Variants in NCAPD3 observed in about 807,000 individuals in gnomAD.
NCAPD3 encodes the protein condensin-2 complex subunit D3.
A neutral mutation model predicts 182.9 loss-of-function variants in NCAPD3; 105 were observed. The ratio of observed to expected loss-of-function variants is 0.57; its 90% CI spans 0.49 to 0.68. The LOEUF is 0.68. Among genes scored for constraint, NCAPD3 ranks in the 30% least tolerant of loss-of-function variants. The pLI is 0.00. For synonymous variants in NCAPD3, 815 were observed against 679.9 expected (o/e 1.20, Z -3.09); for missense variants, 1,944 against 1,837.0 (o/e 1.06, Z -1.07).
At chr11:134,209,289 A>G (rs746767127) in intron 5 of NCAPD3, 24 bp downstream of exon 5, 30 of 1,609,436 alleles carry the variant, frequency 1.9e-5, no homozygotes, top group Non-Finnish European at 2.5e-5. Flanking sequence ...AAGTTGCCCT[A>G]AGGTTCCTGG....
chr11:134,174,700 T>A (rs1217849035), intron 24 of NCAPD3, among the ~76,000 whole-genome samples: 3 of 152,138 alleles, frequency 2.0e-5, no homozygotes, highest in Non-Finnish European at 4.4e-5. Flanking sequence ...AACAATTTAC[T>A]GTCTATTTTC....
chr11:134,154,826 A>C (rs1329788167), intron 32 of NCAPD3, among the ~76,000 whole-genome samples: 1 of 152,230 alleles, frequency 6.6e-6, no homozygotes, highest in Non-Finnish European at 1.5e-5. Flanking sequence ...TTCAAAGCTC[A>C]TCAGCGCACT....
At chr11:134,193,656 G>A (rs1179191453) in intron 15 of NCAPD3, among the ~76,000 whole-genome samples, 3 of 152,222 alleles carry the variant, frequency 2.0e-5, no homozygotes, top group Non-Finnish European at 2.9e-5. Flanking sequence ...AGGAGGCTGA[G>A]GCAGGAGAGT....
chr11:134,172,392 C>G (rs1376491415), intron 24 of NCAPD3, among the ~76,000 whole-genome samples: 2 of 152,220 alleles, frequency 1.3e-5, no homozygotes, highest in African/African-American at 4.8e-5. Flanking sequence ...CCTGCTGATC[C>G]TTCCAGTGGT....
At chr11:134,155,076 G>A (rs1217204487) in intron 32 of NCAPD3, among the ~76,000 whole-genome samples, 3 of 152,170 alleles carry the variant, frequency 2.0e-5, no homozygotes, top group African/African-American at 7.2e-5. Context: ...CCCATGCACT[G>A]TGCGTAGAAT....
intron 3 of NCAPD3, among the ~76,000 whole-genome samples, chr11:134,211,196 C>T (rs544813265): frequency 4.4e-4 from 67 of 152,156 alleles, no homozygotes; most frequent in African/African-American, 1.5e-3. Flanking sequence ...GGGCTAAACC[C>T]GATATAGCAT....
rs1373393507 is a variant in NCAPD3 at position 134,153,358 on chromosome 11, T to TG, written c.4257dup (p.Ile1420HisfsTer3). Reference sequence around the variant, plus strand: ...CCTGCTCCAAACGTGACATCACTGATGCTCTCTGCATAAAGAGGAGACACC... The same window carrying TG: ...CCTGCTCCAAACGTGACATCACTGATGGCTCTCTGCATAAAGAGGAGACACC... On this transcript the variant is annotated frameshift_variant, in exon 33 of 35. Coordinates refer to ENST00000534548, the MANE Select transcript of NCAPD3 (RefSeq NM_015261.3). LOFTEE classifies it high-confidence loss of function. 1 of 1,614,128 alleles carries TG rather than the reference T, an allele frequency of 6.2e-7. No individual in the cohort carries two copies. The highest frequency in any genetic ancestry group is 8.5e-7 in the Non-Finnish European group (1 of 1,180,024).
chr11:134,167,719 G>C (rs1375420343), intron 27 of NCAPD3, among the ~76,000 whole-genome samples: 1 of 143,034 alleles, frequency 7.0e-6, no homozygotes, highest in South Asian at 2.4e-4. Context: ...GTGAGCTTGG[G>C]GGAGGCGCAC....
chr11:134,178,696 G>C lies in NCAPD3; in HGVS notation c.2720C>G (p.Pro907Arg), dbSNP rs758490296. ...GSSEAPASQPPPQVRGSVMPS... is the reference protein window; with the variant it reads ...GSSEAPASQPRPQVRGSVMPS... ...CATGACAGAACCTCTGACCTGGGGG[G>C]GTGGCTGAGACGCTGGGGCCTCACT... Residue 907 changes from proline (P) to arginine (R), a missense_variant, in exon 22 of 35, where the codon CCC (proline) becomes CGC (arginine). Transcript: ENST00000534548. 6.2e-7 allele frequency: 1 copy of C among 1,601,598 alleles called. No homozygotes were observed. Among genetic ancestry groups the C allele is most frequent in the Non-Finnish European group, 8.5e-7 (1 of 1,172,302 alleles).
At position 134,218,110 on chromosome 11, in the gene NCAPD3, A is replaced by AGGGGG. The variant is rs5795873; in HGVS notation, c.220-1017_220-1013dup. ...AAGACCCTGGTCTCAAAAAAAAAAA[A>AGGGGG]GGGGGGGGGGGGAAGAAATCATCTC... On this transcript the variant is annotated intron_variant, in intron 2 of 34. Coordinates refer to ENST00000534548, the MANE Select transcript of NCAPD3 (RefSeq NM_015261.3). 2.6e-3 allele frequency among the ~76,000 whole-genome samples: 157 copies of AGGGGG among 59,444 alleles called. 2 individuals carry two copies. Among genetic ancestry groups the AGGGGG allele is most frequent in the African/African-American group, 3.2e-3 (50 of 15,396 alleles). The allele number at this position is 59,444 out of a possible 152,430, so 39.0% of individuals were successfully genotyped here. A position where few individuals can be genotyped will look rare whatever the true frequency, so the allele number is the denominator to read the frequency against.
At chr11:134,169,891 T>G (rs186219390) in intron 24 of NCAPD3, among the ~76,000 whole-genome samples, 1 of 152,312 alleles carries the variant, frequency 6.6e-6, no homozygotes, top group East Asian at 1.9e-4. Flanking sequence ...GTGTTTTAAT[T>G]TAATATCAGA....
chr11:134,162,999 T>C (rs1333459825), intron 27 of NCAPD3, among the ~76,000 whole-genome samples: 5 of 152,180 alleles, frequency 3.3e-5, no homozygotes, highest in South Asian at 2.1e-4. Context: ...CTGCAGACTT[T>C]AGACCCAGAG....
chr11:134,156,865 T>A (rs1238121968), intron 32 of NCAPD3, 153 bp downstream of exon 32: 2 of 640,250 alleles, frequency 3.1e-6, no homozygotes, highest in African/African-American at 1.8e-5. Flanking sequence ...GCGACCGTGG[T>A]CACTGTGAAA....
chr11:134,168,916 C>T lies in NCAPD3; in HGVS notation c.3239+1G>A, dbSNP rs1280857671. 1 of 1,612,140 alleles carries T rather than the reference C, an allele frequency of 6.2e-7. No individual in the cohort carries two copies. The highest frequency in any genetic ancestry group is 8.5e-7 in the Non-Finnish European group (1 of 1,178,996). Reference sequence around the variant, plus strand: ...AGACCAGACTTAGCTGCTTCACTGACCTCTCTGACTGGGGGAACTTGTTGT... The same window carrying T: ...AGACCAGACTTAGCTGCTTCACTGATCTCTCTGACTGGGGGAACTTGTTGT... On this transcript the variant is annotated splice_donor_variant, in intron 25 of 34. Transcript: ENST00000534548. LOFTEE classifies it high-confidence loss of function.
chr11:134,178,919 G>A lies in NCAPD3; in HGVS notation c.2577C>T (p.Thr859=), dbSNP rs1037602832. Residue 859 remains threonine, a synonymous_variant, in exon 21 of 35, where the codon ACC becomes ACT. Coordinates refer to ENST00000534548, the MANE Select transcript of NCAPD3 (RefSeq NM_015261.3). ...DEDLLVKYIF[T]LGDIAQLCPA... ...GACACAGCTGGGCTATATCCCCTAAGGTAAAAATGTACTTCACCTACAAAG... is the reference window on the plus strand; with the variant it reads ...GACACAGCTGGGCTATATCCCCTAAAGTAAAAATGTACTTCACCTACAAAG... The A allele has an allele frequency of 1.2e-6, 2 of 1,613,198 alleles. No individual in the cohort carries two copies. Among genetic ancestry groups the A allele is most frequent in the Non-Finnish European group, 1.7e-6 (2 of 1,179,462 alleles).
intron 2 of NCAPD3, among the ~76,000 whole-genome samples, 155 bp downstream of exon 2, chr11:134,220,417 A>G (rs1225269631): frequency 6.6e-6 from 1 of 152,080 alleles, no homozygotes; most frequent in African/African-American, 2.4e-5. Context: ...GAAAGCTCTT[A>G]GGATATTCCA....
chr11:134,159,733 G>A (rs76670330), intron 29 of NCAPD3, among the ~76,000 whole-genome samples, 159 bp downstream of exon 29: 5,713 of 152,320 alleles, frequency 0.038, 374 homozygotes, highest in African/African-American at 0.13. Context: ...ATCACAGACA[G>A]AAAGGCACGA....
intron 2 of NCAPD3, among the ~76,000 whole-genome samples, chr11:134,219,878 C>T (rs564524215): frequency 6.6e-6 from 1 of 151,992 alleles, no homozygotes; most frequent in Non-Finnish European, 1.5e-5. Context: ...CTCACTGTAA[C>T]CTCCGCCTCC....
At position 134,206,668 on chromosome 11, in the gene NCAPD3, G is replaced by A. The variant is rs745762178; in HGVS notation, c.947C>T (p.Ser316Phe). The change falls in exon 8 of 35, where the codon TCC (serine) becomes TTC (phenylalanine). Residue 316 changes from serine (S) to phenylalanine (F), a missense_variant. Physicochemically the swap from Ser to Phe is radical, Grantham distance 155. This residue lies in a region of NCAPD3 where 1,803 missense variants were observed against 1,674.6 expected (regional missense o/e 1.08). Transcript: ENST00000534548. ...GGTAACAGCAAGGGGGGCACGATGG[G>A]ATCCTTCACCAACTTCTAACATTAA... is the stretch of plus-strand genomic sequence containing the variant. ...VILMLEVGEG[S>F]HRAPLAVTSQ... is the part of the protein sequence containing the mutation. 4 of 1,613,464 alleles carry A rather than the reference G, an allele frequency of 2.5e-6. No individual in the cohort carries two copies. Among genetic ancestry groups the A allele is most frequent in the African/African-American group, 2.7e-5 (2 of 74,892 alleles).
Sources: gnomAD v4.1 joint callset for allele counts (sites outside exome capture counted in the v4.1 genomes callset) on GRCh38, gnomAD v4.1.1 for gene constraint, gnomAD v4.1.1 regional missense constraint, MANE v1.5 for transcripts, NCBI Gene and HGNC (gene_info 2026-07-23, HGNC 2026-07-21) for gene names.